The following KMT2C variants were observed in gnomAD, a reference collection of about 807,000 sequenced individuals.
KMT2C encodes the protein lysine methyltransferase 2C.
A neutral mutation model predicts 507.9 loss-of-function variants in KMT2C; 88 were observed. The observed-to-expected ratio is 0.17, with a 90% confidence interval of 0.15 to 0.21. KMT2C has a LOEUF of 0.21. Among genes scored for constraint, KMT2C ranks in the 10% least tolerant of loss-of-function variants. The pLI is 1.00. For synonymous variants in KMT2C, 2,049 were observed against 2,080.8 expected (o/e 0.98, Z 0.42); for missense variants, 4,954 against 5,957.8 (o/e 0.83, Z 5.55).
At chr7:152,228,613 C>A (rs1473912913) in intron 18 of KMT2C, among the ~76,000 whole-genome samples, 1 of 152,136 alleles carries the variant, frequency 6.6e-6, no homozygotes, top group African/African-American at 2.4e-5. Flanking sequence ...TTATGTAAGT[C>A]GTACTCATCT....
intron 1 of KMT2C, chr7:152,402,908 A>T (rs529365712): frequency 6.6e-5 from 10 of 152,376 alleles, no homozygotes; most frequent in African/African-American, 2.5e-4. Flanking sequence ...AAATTTTAAT[A>T]AAAAATTTTT....
chr7:152,296,510 A>T (rs1436172094), intron 6 of KMT2C, among the ~76,000 whole-genome samples: 3 of 151,502 alleles, frequency 2.0e-5, no homozygotes, highest in African/African-American at 4.9e-5. Flanking sequence ...ATTTTTCCTT[A>T]ATTAACATAA....
Position 152,181,996 on chromosome 7 carries a change from G to A in KMT2C, c.5864C>T (p.Ser1955Phe), listed in dbSNP as rs375733941. The change falls in exon 36 of 59, where the codon TCT (serine) becomes TTT (phenylalanine). Residue 1955 changes from serine to phenylalanine, a missense_variant. By Grantham distance (155) the Ser-to-Phe change is radical. Around this residue, in one of 29 missense-constraint regions of KMT2C, gnomAD observed 1,689 missense variants for 1,654.3 expected, o/e 1.02. Coordinates refer to ENST00000262189, the MANE Select transcript of KMT2C (RefSeq NM_170606.3). Reference protein sequence around the residue: ...RPSPVRDLCSSSTTNNDPYAK... With the variant: ...RPSPVRDLCSFSTTNNDPYAK... ...ATAGGGGTCATTATTTGTCGTGGAA[G>A]AAGAACATAAATCTCTGACAGGGGA... 1 of 1,614,168 alleles carries A rather than the reference G, an allele frequency of 6.2e-7. No individual in the cohort carries two copies. The highest frequency in any genetic ancestry group is 8.5e-7 in the Non-Finnish European group (1 of 1,180,022).
At chr7:152,268,905 G>A (rs528311629) in intron 7 of KMT2C, among the ~76,000 whole-genome samples, 4 of 152,200 alleles carry the variant, frequency 2.6e-5, no homozygotes, top group Non-Finnish European at 4.4e-5. Flanking sequence ...AGTTCAAATC[G>A]AGGTGTGCAG....
chr7:152,413,302 A>T (rs1212557628), intron 1 of KMT2C, among the ~76,000 whole-genome samples: 4 of 151,938 alleles, frequency 2.6e-5, no homozygotes, highest in Non-Finnish European at 5.9e-5. Flanking sequence ...TTTTGTAGAG[A>T]CAGGGTTTTG....
Position 152,435,647 on chromosome 7 carries a change from G to A in KMT2C, c.140C>T (p.Pro47Leu), listed in dbSNP as rs2097910947. The change falls in exon 1 of 59, where the codon CCT becomes CTT. Residue 47 changes from proline (P) to leucine (L), a missense_variant. Physicochemically the swap from Pro to Leu is moderately conservative, Grantham distance 98. This residue lies in a region of KMT2C where 233 missense variants were observed against 263.6 expected (regional missense o/e 0.88). Transcript: ENST00000262189. Reference protein sequence around the residue: ...RGRPRKDGASPFQRARKKPRS... With the variant: ...RGRPRKDGASLFQRARKKPRS... The stretch of plus-strand genomic sequence containing the variant: ...TTACTTCTTTCTGGCTCTCTGGAAA[G>A]GGGAAGCGCCATCTTTGCGAGGCCG... 6 of 1,541,314 alleles carry A rather than the reference G, an allele frequency of 3.9e-6. No individual in the cohort carries two copies. Among genetic ancestry groups the A allele is most frequent in the Admixed American group, 1.9e-5 (1 of 51,488 alleles).
At position 152,150,928 on chromosome 7, in the gene KMT2C, G is replaced by A. The variant is rs1231682758; in HGVS notation, c.12746C>T (p.Thr4249Ile). The part of the protein sequence containing the change: ...SNNCFILYSS[T>I]AQAKNSENKE... ...GTTTTCTGAGTTTTTCGCTTGTGCA[G>A]TTGATGAATAAAGAATAAAGCAGTT... is the stretch of plus-strand genomic sequence containing the variant. The change falls in exon 51 of 59, where the codon ACT becomes ATT. Residue 4249 changes from threonine to isoleucine, a missense_variant. This residue lies in a region of KMT2C where 417 missense variants were observed against 461.1 expected (regional missense o/e 0.90). Coordinates refer to ENST00000262189, the MANE Select transcript of KMT2C (RefSeq NM_170606.3). The A allele has an allele frequency of 6.2e-7, 1 of 1,612,664 alleles. No individual in the cohort carries two copies. Among genetic ancestry groups the A allele is most frequent in the Non-Finnish European group, 8.5e-7 (1 of 1,178,870 alleles).
At chr7:152,413,402 T>C (rs1189478841) in intron 1 of KMT2C, among the ~76,000 whole-genome samples, 1 of 152,248 alleles carries the variant, frequency 6.6e-6, no homozygotes, top group Non-Finnish European at 1.5e-5. Flanking sequence ...TGTAAGCCAC[T>C]GCGCCCAGCC....
intron 23 of KMT2C, among the ~76,000 whole-genome samples, chr7:152,217,432 C>T (rs531264206): frequency 6.6e-6 from 1 of 152,266 alleles, no homozygotes; most frequent in Admixed American, 6.5e-5. Context: ...GTCCAAGTAA[C>T]ATGCACTTAT....
chr7:152,293,842 A>T (rs750193332), intron 6 of KMT2C, among the ~76,000 whole-genome samples: 51 of 152,248 alleles, frequency 3.3e-4, no homozygotes, highest in Admixed American at 1.4e-3. Context: ...CGGGAAATAA[A>T]CATATTCATT....
At chr7:152,203,285 G>T (rs868341751) in intron 25 of KMT2C, among the ~76,000 whole-genome samples, 9 of 151,390 alleles carry the variant, frequency 5.9e-5, no homozygotes, top group Non-Finnish European at 8.8e-5. Context: ...CTTAATAATC[G>T]ATTACAAAGC....
Position 152,263,092 on chromosome 7 carries a change from G to A in KMT2C, c.1223C>T (p.Thr408Met), listed in dbSNP as rs773970643. The A allele has an allele frequency of 3.6e-5, 58 of 1,612,020 alleles. No individual in the cohort carries two copies. Among genetic ancestry groups the A allele is most frequent in the Admixed American group, 3.0e-4 (18 of 59,968 alleles). The part of the protein sequence containing the change: ...GEDSKMLVCD[T>M]CDKGYHTFCL... Reference sequence around the variant, plus strand: ...AAAAGTATGATACCCTTTGTCACACGTATCACACACTAGCATCTTGCTATC... The same window carrying A: ...AAAAGTATGATACCCTTTGTCACACATATCACACACTAGCATCTTGCTATC... Residue 408 changes from threonine to methionine, a missense_variant, in exon 9 of 59, where the codon ACG (threonine) becomes ATG (methionine). Physicochemically the swap from Thr to Met is moderately conservative, Grantham distance 81. This residue lies in a region of KMT2C where 8 missense variants were observed against 27.5 expected (regional missense o/e 0.29). Coordinates refer to ENST00000262189, the MANE Select transcript of KMT2C (RefSeq NM_170606.3).
At chr7:152,245,233 C>T (rs1359464600) in intron 14 of KMT2C, among the ~76,000 whole-genome samples, 6 of 152,174 alleles carry the variant, frequency 3.9e-5, no homozygotes, top group Non-Finnish European at 7.4e-5. Flanking sequence ...CTTAGTTTGT[C>T]GATCTTGAAT....
At position 152,327,957 on chromosome 7, in the gene KMT2C, C is replaced by CAA. The variant is rs371396057; in HGVS notation, c.389+2642_389+2643dup. On this transcript the variant is annotated intron_variant, in intron 3 of 58. Coordinates refer to ENST00000262189, the MANE Select transcript of KMT2C (RefSeq NM_170606.3). ...TGGGCAACAGAGCGAGACTCCGCCT[C>CAA]AAAAAAAAAAAAAAAAAAGAAAAAA... 2.7e-3 allele frequency among the ~76,000 whole-genome samples: 214 copies of CAA among 78,528 alleles called. 1 individual carries two copies. Among genetic ancestry groups the CAA allele is most frequent in the East Asian group, 6.3e-3 (16 of 2,538 alleles). 51.5% of individuals were successfully genotyped at this position (78,528 alleles called of 152,430 possible). A position where few individuals can be genotyped will look rare whatever the true frequency, so the allele number is the denominator to read the frequency against.
chr7:152,190,917 A>G (rs3800833), intron 31 of KMT2C, among the ~76,000 whole-genome samples: 14,014 of 152,142 alleles, frequency 0.092, 746 homozygotes, highest in East Asian at 0.14. Context: ...ACCTGTCTCT[A>G]ATGATCATTC....
At chr7:152,210,539 GTT>G (rs879375465) in intron 23 of KMT2C, among the ~76,000 whole-genome samples, 3 of 145,090 alleles carry the variant, frequency 2.1e-5, no homozygotes, top group Non-Finnish European at 1.5e-5. Context: ...CTTTTTATGA[GTT>G]TTTTTTTTTT....
intron 55 of KMT2C, among the ~76,000 whole-genome samples, chr7:152,142,381 G>T (rs1320969110): frequency 6.6e-6 from 1 of 152,198 alleles, no homozygotes; most frequent in African/African-American, 2.4e-5. Flanking sequence ...GACATGAAAA[G>T]CTGCCTATTC....
intron 6 of KMT2C, among the ~76,000 whole-genome samples, chr7:152,283,335 A>G (rs1738116816): frequency 6.6e-6 from 1 of 152,250 alleles, no homozygotes; most frequent in African/African-American, 2.4e-5. Context: ...TACTTCAAAA[A>G]GTGGGAAAAA....
At chr7:152,367,935 G>C (rs1025704276) in intron 1 of KMT2C, 5 of 975,540 alleles carry the variant, frequency 5.1e-6, no homozygotes, top group African/African-American at 4.8e-5. Context: ...TATTGCCAAA[G>C]CAGACACACT....
Sources: allele counts gnomAD v4.1 joint callset (sites outside exome capture counted in the v4.1 genomes callset), GRCh38; gene constraint gnomAD v4.1.1; regional missense constraint gnomAD v4.1.1; transcripts MANE v1.5; gene names NCBI Gene and HGNC (gene_info 2026-07-23, HGNC 2026-07-21).